Variants in TPO observed in about 807,000 individuals in gnomAD.
TPO encodes thyroid peroxidase.
Under a neutral mutation model 96.9 loss-of-function variants are expected in TPO, and 78 were observed. The ratio of observed to expected loss-of-function variants is 0.81; its 90% CI spans 0.67 to 0.97. The LOEUF is 0.97. TPO is among the 50% of genes least tolerant of loss of function. TPO has a pLI of 0.00. For missense variants in TPO, 1,252 were observed against 1,274.8 expected (o/e 0.98, Z 0.27); for synonymous variants, 547 against 538.0 (o/e 1.02, Z -0.23).
At chr2:1,512,419 G>C (rs1445648053) in intron 14 of TPO, 3 of 985,328 alleles carry the variant, frequency 3.0e-6, no homozygotes, top group Admixed American at 6.1e-5. Flanking sequence ...GCGTCCGAGA[G>C]AGCCCCTGAG....
chr2:1,461,191 C>A (rs540579721), intron 7 of TPO, among the ~76,000 whole-genome samples: 151 of 152,230 alleles, frequency 9.9e-4, no homozygotes, highest in African/African-American at 3.3e-3. Context: ...TCATCCTGGG[C>A]ACGTTCTGCT....
At chr2:1,468,875 A>C (rs990895943) in intron 7 of TPO, among the ~76,000 whole-genome samples, 2 of 152,224 alleles carry the variant, frequency 1.3e-5, no homozygotes, top group Non-Finnish European at 2.9e-5. Flanking sequence ...ACATAATCCC[A>C]GACATCTTGG....
chr2:1,397,193 G>A (rs932225225), intron 1 of TPO, among the ~76,000 whole-genome samples: 1 of 152,178 alleles, frequency 6.6e-6, no homozygotes, highest in Non-Finnish European at 1.5e-5. Flanking sequence ...AGCCTCAGCT[G>A]AGGAAAAAAT....
intron 15 of TPO, among the ~76,000 whole-genome samples, chr2:1,523,852 G>T (rs1159927736): frequency 1.2e-5 from 1 of 80,980 alleles, no homozygotes; most frequent in East Asian, 3.8e-4. Context: ...CCCCAACTGT[G>T]TGTGAGCTCC....
rs570115533 is a variant in TPO at position 1,454,728 on chromosome 2, C to A, written c.612+905C>A. Among the ~76,000 whole-genome samples, 3 of 152,316 alleles carry A rather than the reference C, an allele frequency of 2.0e-5. No individual in the cohort carries two copies. The South Asian group carries it at 6.2e-4, about 32-fold the overall frequency. ...ACTGTCTTACCCACCTTATGCTCAACAGTGGACCAGTTCAACCCCCGAGGC... is the reference window on the plus strand; with the variant it reads ...ACTGTCTTACCCACCTTATGCTCAAAAGTGGACCAGTTCAACCCCCGAGGC... On this transcript the variant is annotated intron_variant, in intron 6 of 16. Coordinates refer to ENST00000329066, the MANE Select transcript of TPO (RefSeq NM_001206744.2).
Position 1,477,561 on chromosome 2 carries a change from C to A in TPO, c.1295C>A (p.Ala432Asp). 6.5e-7 allele frequency: 1 copy of A among 1,536,778 alleles called. No homozygotes were observed. The highest frequency in any genetic ancestry group is 2.4e-5 in the East Asian group (1 of 41,126). The change falls in exon 8 of 17, where the codon GCC becomes GAC. Residue 432 changes from alanine to aspartate, a missense_variant. Coordinates refer to ENST00000329066, the MANE Select transcript of TPO (RefSeq NM_001206744.2). ...CTCAATGCGCACTGGAGCGCGGACG[C>A]CGTGTACCAGGAGGCGCGCAAGGTC... ...KALNAHWSAD[A>D]VYQEARKVVG... is the part of the protein sequence containing the mutation.
intron 2 of TPO, among the ~76,000 whole-genome samples, chr2:1,416,348 T>G (rs1188742996): frequency 6.6e-6 from 1 of 152,228 alleles, no homozygotes; most frequent in Non-Finnish European, 1.5e-5. Context: ...CCTGGTTGTA[T>G]AAAACCAGAG....
chr2:1,385,625 G>A (rs191950306), intron 1 of TPO, among the ~76,000 whole-genome samples: 1,877 of 150,902 alleles, frequency 0.012, 41 homozygotes, highest in African/African-American at 0.041. Flanking sequence ...TCTTGCTAGC[G>A]GTCTATCAAT....
At chr2:1,424,519 T>C (rs1360574150) in intron 3 of TPO, among the ~76,000 whole-genome samples, 1 of 152,178 alleles carries the variant, frequency 6.6e-6, no homozygotes, top group Non-Finnish European at 1.5e-5. Context: ...GAATTTTATT[T>C]TTGGTTTACA....
chr2:1,537,296 T>G (rs1368868569), intron 15 of TPO, among the ~76,000 whole-genome samples: 5 of 63,980 alleles, frequency 7.8e-5, no homozygotes, highest in African/African-American at 2.7e-4. Context: ...CCCCCCACCC[T>G]CTGCAACGTC....
intron 1 of TPO, among the ~76,000 whole-genome samples, chr2:1,391,554 A>G (rs1345348407): frequency 6.6e-6 from 1 of 152,174 alleles, no homozygotes; most frequent in Admixed American, 6.5e-5. Context: ...CTGTGAAGAA[A>G]GTCATTGGTA....
At chr2:1,439,783 A>G (rs530900492) in intron 5 of TPO, among the ~76,000 whole-genome samples, 9 of 151,882 alleles carry the variant, frequency 5.9e-5, no homozygotes, top group African/African-American at 1.4e-4. Flanking sequence ...GTTCCTCGCC[A>G]TCCTCCCCAT....
At chr2:1,452,892 T>A (rs1667431207) in intron 5 of TPO, among the ~76,000 whole-genome samples, 1 of 152,242 alleles carries the variant, frequency 6.6e-6, no homozygotes, top group African/African-American at 2.4e-5. Flanking sequence ...CACAGTACAC[T>A]CGGAACTAAG....
At chr2:1,504,327 A>C (rs971247923) in intron 14 of TPO, among the ~76,000 whole-genome samples, 1 of 152,132 alleles carries the variant, frequency 6.6e-6, no homozygotes, top group African/African-American at 2.4e-5. Context: ...GCCAGAATGC[A>C]TTGCCAGACA....
At chr2:1,527,987 C>G (rs1177220257) in intron 15 of TPO, among the ~76,000 whole-genome samples, 4 of 145,098 alleles carry the variant, frequency 2.8e-5, no homozygotes, top group Non-Finnish European at 4.5e-5. Flanking sequence ...GCAACCTCCT[C>G]AAATCCCCCC....
chr2:1,410,104 G>A (rs906374013), upstream of TPO, among the ~76,000 whole-genome samples: 2 of 152,074 alleles, frequency 1.3e-5, no homozygotes, highest in Admixed American at 6.6e-5. Context: ...TTTGAAAATC[G>A]CTAGGAGAAT....
intron 10 of TPO, among the ~76,000 whole-genome samples, chr2:1,491,528 TTCTC>T (rs368834944): frequency 2.6e-5 from 4 of 152,270 alleles, no homozygotes; most frequent in Non-Finnish European, 5.9e-5. Context: ...TACAGAAACT[TTCTC>T]TCCTCATTTG....
Position 1,496,663 on chromosome 2 carries a change from C to A in TPO, c.2284C>A (p.Arg762Ser). 1 of 1,613,932 alleles carries A rather than the reference C, an allele frequency of 6.2e-7. No individual in the cohort carries two copies. The highest frequency in any genetic ancestry group is 1.1e-5 in the South Asian group (1 of 91,058). ...DFVHCEESGRRVLVYSCRHGY... is the reference protein window; with the variant it reads ...DFVHCEESGRSVLVYSCRHGY... The stretch of plus-strand genomic sequence containing the variant: ...TGTGCACTGTGAGGAGTCTGGGAGG[C>A]GCGTGCTGGTGTATTCCTGCCGGCA... Residue 762 changes from arginine to serine, a missense_variant, in exon 13 of 17, where the codon CGC (arginine) becomes AGC (serine). Physicochemically the swap from Arg to Ser is moderately radical, Grantham distance 110. Coordinates refer to ENST00000329066, the MANE Select transcript of TPO (RefSeq NM_001206744.2).
intron 10 of TPO, among the ~76,000 whole-genome samples, chr2:1,493,209 T>TGGGG (rs3036079): frequency 0.056 from 964 of 17,244 alleles, 17 homozygotes; most frequent in Non-Finnish European, 0.087. Flanking sequence ...TGTGAGTGGG[T>TGGGG]GGGGGGGGGG....
Sources: allele counts gnomAD v4.1 joint callset (sites outside exome capture counted in the v4.1 genomes callset), GRCh38; gene constraint gnomAD v4.1.1; transcripts MANE v1.5; gene names NCBI Gene and HGNC (gene_info 2026-07-23, HGNC 2026-07-21).